MTHFD1L: variants seen among roughly 807,000 people sequenced by gnomAD.
MTHFD1L encodes monofunctional C1-tetrahydrofolate synthase, mitochondrial.
Under a neutral mutation model 119.5 loss-of-function variants are expected in MTHFD1L, and 81 were observed. The ratio of observed to expected loss-of-function variants is 0.68; its 90% CI spans 0.57 to 0.82. MTHFD1L has a LOEUF of 0.82. Ranked by LOEUF, MTHFD1L falls within the 40% of genes least tolerant of loss-of-function variation. MTHFD1L has a pLI of 0.00. For missense variants in MTHFD1L, 1,125 were observed against 1,253.4 expected (o/e 0.90, Z 1.55); for synonymous variants, 430 against 475.2 (o/e 0.90, Z 1.24).
intron 26 of MTHFD1L, among the ~76,000 whole-genome samples, chr6:151,080,806 C>T (rs772948242): frequency 7.2e-5 from 11 of 152,188 alleles, no homozygotes; most frequent in Non-Finnish European, 1.5e-4. Context: ...TGTATGTCGT[C>T]TTCTCTGTAC....
intron 21 of MTHFD1L, among the ~76,000 whole-genome samples, chr6:151,010,950 G>C (rs1224208126): frequency 2.0e-5 from 3 of 152,314 alleles, no homozygotes; most frequent in Non-Finnish European, 4.4e-5. Flanking sequence ...TCTCCTGGGA[G>C]AGGTGGACAT....
chr6:150,936,062 C>T (rs888894837), intron 11 of MTHFD1L, among the ~76,000 whole-genome samples: 8 of 152,120 alleles, frequency 5.3e-5, no homozygotes, highest in Non-Finnish European at 7.3e-5. Flanking sequence ...CAGAAGTTTC[C>T]GCCATAGTAT....
At position 151,079,717 on chromosome 6, in the gene MTHFD1L, G is replaced by A. The variant is rs184647572; in HGVS notation, c.2848-12750G>A. ...TTGGTCACGCTGGTCTCAAACTCCCGACCTCATGTGATCTGCCCACCTCGG... is the reference window on the plus strand; with the variant it reads ...TTGGTCACGCTGGTCTCAAACTCCCAACCTCATGTGATCTGCCCACCTCGG... On this transcript the variant is annotated intron_variant, in intron 26 of 27. Transcript: ENST00000367321. Among the ~76,000 whole-genome samples, 112 of 151,684 alleles carry A rather than the reference G, an allele frequency of 7.4e-4. 3 individuals carry two copies. The highest frequency in any genetic ancestry group is 6.6e-3 in the Admixed American group (100 of 15,258).
intron 16 of MTHFD1L, among the ~76,000 whole-genome samples, chr6:150,953,694 C>T (rs1236139372): frequency 2.0e-5 from 3 of 152,144 alleles, no homozygotes; most frequent in African/African-American, 7.2e-5. Context: ...TTGGAGGCCA[C>T]TGATTCTAGT....
chr6:151,086,168 C>T (rs544264744), intron 26 of MTHFD1L, among the ~76,000 whole-genome samples: 1 of 152,094 alleles, frequency 6.6e-6, no homozygotes, highest in African/African-American at 2.4e-5. Context: ...GTGCAGGTTC[C>T]CAGCTACCCC....
chr6:150,900,754 G>C (rs536562918), intron 7 of MTHFD1L, among the ~76,000 whole-genome samples: 14 of 152,136 alleles, frequency 9.2e-5, no homozygotes, highest in African/African-American at 3.4e-4. Context: ...GGTGGCTCAC[G>C]CCTGTAATCC....
At chr6:151,038,974 G>C (rs540707238) in intron 26 of MTHFD1L, among the ~76,000 whole-genome samples, 2 of 152,256 alleles carry the variant, frequency 1.3e-5, no homozygotes, top group South Asian at 4.1e-4. Flanking sequence ...GTCTCCACTG[G>C]AAATACAGAC....
chr6:150,914,625 T>A (rs574013482), intron 8 of MTHFD1L, among the ~76,000 whole-genome samples: 1 of 152,330 alleles, frequency 6.6e-6, no homozygotes, highest in South Asian at 2.1e-4. Context: ...ATCACTGCAC[T>A]CCAGCCTGGG....
intron 26 of MTHFD1L, among the ~76,000 whole-genome samples, chr6:151,053,463 A>G (rs1423982935): frequency 6.6e-6 from 1 of 152,220 alleles, no homozygotes; most frequent in African/African-American, 2.4e-5. Context: ...CAGGTCTCCT[A>G]GTTGGGTCCA....
intron 20 of MTHFD1L, among the ~76,000 whole-genome samples, chr6:150,994,077 A>AAAAAGAAAGAAAGAAAGAAAGAAAGAAAG (rs1554273890): frequency 9.5e-6 from 1 of 105,300 alleles, no homozygotes; most frequent in East Asian, 4.5e-4. Context: ...AAAAAAAAAA[A>AAAAAGAAAGAAAGAAAGAAAGAAAGAAAG]AAAGAAAGAA....
intron 9 of MTHFD1L, among the ~76,000 whole-genome samples, chr6:150,921,448 C>T (rs938391821): frequency 6.6e-6 from 1 of 152,010 alleles, no homozygotes; most frequent in African/African-American, 2.4e-5. Flanking sequence ...GACAGGGTTT[C>T]ACCATGTTGC....
intron 26 of MTHFD1L, among the ~76,000 whole-genome samples, chr6:151,066,013 C>T (rs1345546907): frequency 6.6e-6 from 1 of 152,032 alleles, no homozygotes; most frequent in South Asian, 2.1e-4. Context: ...TATAGTAGCT[C>T]CTCATTATAT....
intron 1 of MTHFD1L, chr6:150,866,704 G>GCCGCGCAGCGCCCACGGAGTCC (rs1366174421): frequency 4.4e-6 from 5 of 1,126,868 alleles, no homozygotes; most frequent in Non-Finnish European, 4.3e-6. Flanking sequence ...TTCCAGCTTC[G>GCCGCGCAGCGCCCACGGAGTCC]CCGCGCAGCG....
At chr6:151,018,085 C>A (rs1014651634) in intron 24 of MTHFD1L, among the ~76,000 whole-genome samples, 1 of 152,102 alleles carries the variant, frequency 6.6e-6, no homozygotes, top group African/African-American at 2.4e-5. Flanking sequence ...TCTTTGCACC[C>A]GTCTGACATC....
chr6:150,925,590 T>C (rs1463817167), intron 10 of MTHFD1L, among the ~76,000 whole-genome samples: 21 of 152,110 alleles, frequency 1.4e-4, no homozygotes, highest in Non-Finnish European at 4.4e-5. Flanking sequence ...AGACTGTAAA[T>C]AGAGAGGGGG....
chr6:150,945,383 T>G (rs939352190), intron 14 of MTHFD1L, 84 bp from the exon 15 acceptor site: 6 of 1,092,212 alleles, frequency 5.5e-6, no homozygotes, highest in Non-Finnish European at 6.8e-6. Context: ...ATAAATGCAA[T>G]GAATTTTTGT....
chr6:151,088,884 A>T (rs571053300), intron 26 of MTHFD1L, among the ~76,000 whole-genome samples: 1 of 152,306 alleles, frequency 6.6e-6, no homozygotes, highest in African/African-American at 2.4e-5. Context: ...TCATCAGCAG[A>T]TAGTTAAAGG....
chr6:150,919,054 TCAGGAGGCTAAAG>T (rs993541003), intron 9 of MTHFD1L, among the ~76,000 whole-genome samples: 1 of 151,392 alleles, frequency 6.6e-6, no homozygotes, highest in African/African-American at 2.4e-5. Context: ...TACCAGCTAC[TCAGGAGGCTAAAG>T]CAGGAGGATC....
Position 150,938,716 on chromosome 6 carries a change from G to A in MTHFD1L, c.1411G>A (p.Gly471Arg), listed in dbSNP as rs1281763114. Residue 471 changes from glycine (G) to arginine (R), a missense_variant, in exon 13 of 28, where the codon GGA becomes AGA. Transcript: ENST00000367321. ...FGVKGGAAGG[G>R]YAQVIPMEEF... ...TTGTTTAGGAGGAGCCGCGGGTGGTGGATATGCCCAGGTCATCCCCATGGA... is the reference window on the plus strand; with the variant it reads ...TTGTTTAGGAGGAGCCGCGGGTGGTAGATATGCCCAGGTCATCCCCATGGA... 6.2e-7 allele frequency: 1 copy of A among 1,610,838 alleles called. No homozygotes were observed. Among genetic ancestry groups the A allele is most frequent in the Non-Finnish European group, 8.5e-7 (1 of 1,178,860 alleles).
Sources: gnomAD v4.1 joint callset for allele counts (sites outside exome capture counted in the v4.1 genomes callset) on GRCh38, gnomAD v4.1.1 for gene constraint, MANE v1.5 for transcripts, NCBI Gene and HGNC (gene_info 2026-07-23, HGNC 2026-07-21) for gene names.